The following MAPK8IP1 variants were observed in gnomAD, a reference collection of about 807,000 sequenced individuals.
MAPK8IP1 encodes the protein mitogen-activated protein kinase 8 interacting protein 1.
A neutral mutation model predicts 72.6 loss-of-function variants in MAPK8IP1; 17 were observed. The observed-to-expected ratio is 0.23, with a 90% CI of 0.16 to 0.35. The LOEUF (loss-of-function observed/expected upper bound fraction) is 0.35, where lower values mean the gene tolerates loss of function less well. Among genes scored for constraint, MAPK8IP1 ranks in the 10% least tolerant of loss-of-function variants. MAPK8IP1 has a pLI of 1.00. For synonymous variants in MAPK8IP1, 401 were observed against 443.4 expected (o/e 0.90, Z 1.20); for missense variants, 789 against 1,009.7 (o/e 0.78, Z 2.96).
chr11:45,895,630 AAAAATATATATAT>A (rs2086598367), intron 1 of MAPK8IP1, among the ~76,000 whole-genome samples: 2 of 27,386 alleles, frequency 7.3e-5, no homozygotes, highest in African/African-American at 1.5e-4. Context: ...AAAAAAAAAA[AAAAATATATATAT>A]ATATATATAT....
chr11:45,896,508 C>A, intron 1 of MAPK8IP1: 3 of 1,060,528 alleles, frequency 2.8e-6, no homozygotes, highest in Non-Finnish European at 2.3e-6. Context: ...CCACTCAGCC[C>A]CCGACAGGGG....
chr11:45,886,837 C>T (rs1256941251), intron 1 of MAPK8IP1, among the ~76,000 whole-genome samples: 1 of 152,118 alleles, frequency 6.6e-6, no homozygotes, highest in African/African-American at 2.4e-5. Context: ...CGAGAACTGG[C>T]GCCTTCCCCT....
At position 45,903,520 on chromosome 11, in the gene MAPK8IP1, G is replaced by A. The variant is rs2086675564; in HGVS notation, c.1493+80G>A. The A allele has an allele frequency of 8.1e-7, 1 of 1,238,136 alleles. No individual in the cohort carries two copies. The highest frequency in any genetic ancestry group is 1.2e-6 in the Non-Finnish European group (1 of 869,418). 76.7% of individuals were successfully genotyped at this position (1,238,136 alleles called of 1,614,324 possible). A position where few individuals can be genotyped will look rare whatever the true frequency, so the allele number is the denominator to read the frequency against. ...ACCCTCTACTTGTCACCCCTACATG[G>A]CCTCAGCCTAACCCCTGCCATCAGC... On this transcript the variant is annotated intron_variant, in intron 6 of 11. Transcript: ENST00000241014. This position sits in a 1 kb window ranked among gnomAD's most constrained non-coding sequence, Gnocchi z 6.4.
In MAPK8IP1 at chr11:45,904,953, C is replaced by T; in HGVS notation, c.1894-18C>T. On this transcript the variant is annotated intron_variant, in intron 9 of 11. Coordinates refer to ENST00000241014, the MANE Select transcript of MAPK8IP1 (RefSeq NM_005456.4). The surrounding 1 kb of genome is among the most constrained non-coding windows in gnomAD (Gnocchi z 6.4). ...AGGCCAGGTGACCGCCCTCTTGCTT[C>T]TTTTCTCCCTCCTGTAGGGGAATAA... The T allele has an allele frequency of 6.2e-7, 1 of 1,613,698 alleles. No homozygotes were observed. Among genetic ancestry groups the T allele is most frequent in the Non-Finnish European group, 8.5e-7 (1 of 1,179,618 alleles).
Position 45,903,116 on chromosome 11 carries a change from A to G in MAPK8IP1, c.1349A>G (p.Asp450Gly). 6.2e-7 allele frequency: 1 copy of G among 1,609,782 alleles called. No individual in the cohort carries two copies. The highest frequency in any genetic ancestry group is 8.5e-7 in the Non-Finnish European group (1 of 1,178,682). The change falls in exon 5 of 12, where the codon GAT becomes GGT. Residue 450 changes from aspartate to glycine, a missense_variant. This residue lies in a region of MAPK8IP1 where 377 missense variants were observed against 411.7 expected (regional missense o/e 0.92). Transcript: ENST00000241014. The surrounding 1 kb of genome is among the most constrained non-coding windows in gnomAD (Gnocchi z 6.4). ...TGCCTCTCCGAGGACTCCACGCCTG[A>G]TGAACCCGACGTCCATTTCTCCAAG... is the stretch of plus-strand genomic sequence containing the variant. Reference protein sequence around the residue: ...PACLSEDSTPDEPDVHFSKKF... With the variant: ...PACLSEDSTPGEPDVHFSKKF...
In MAPK8IP1 at chr11:45,902,528, C is replaced by T. The variant is rs777020307; in HGVS notation, c.761C>T (p.Ala254Val). ...QMAPPGGPPA[A>V]PPGGRGHSHR... is the part of the protein sequence containing the mutation. ...GCACCTCCGGGTGGTCCCCCTGCTGCCCCGCCTGGGGGTCGGGGCCACTCG... is the reference window on the plus strand; with the variant it reads ...GCACCTCCGGGTGGTCCCCCTGCTGTCCCGCCTGGGGGTCGGGGCCACTCG... Residue 254 changes from alanine (A) to valine (V), a missense_variant, in exon 5 of 12, where the codon GCC becomes GTC. Transcript: ENST00000241014. The surrounding 1 kb of genome is among the most constrained non-coding windows in gnomAD (Gnocchi z 9.3). 3 of 1,611,522 alleles carry T rather than the reference C, an allele frequency of 1.9e-6. No homozygotes were observed. The South Asian group carries it at 3.3e-5, about 18-fold the overall frequency.
intron 2 of MAPK8IP1, 32 bp downstream of exon 2, chr11:45,898,222 G>C: frequency 6.6e-7 from 1 of 1,514,884 alleles, no homozygotes; most frequent in Non-Finnish European, 9.2e-7. Context: ...CTCCTGAGTG[G>C]GGTGGCAGGA....
chr11:45,902,109 C>G lies in MAPK8IP1; in HGVS notation c.604+48C>G, dbSNP rs111580701. ...ACCTGGACCTCCGCCTGCCCTGACT[C>G]AGTCCCCACTACAGAGAGCAAACCC... is the stretch of plus-strand genomic sequence containing the variant. On this transcript the variant is annotated intron_variant, in intron 4 of 11. Coordinates refer to ENST00000241014, the MANE Select transcript of MAPK8IP1 (RefSeq NM_005456.4). This position sits in a 1 kb window ranked among gnomAD's most constrained non-coding sequence, Gnocchi z 9.3. 1.7e-3 allele frequency: 2,621 copies of G among 1,500,452 alleles called. 18 individuals are homozygous for G. Among genetic ancestry groups the G allele is most frequent in the African/African-American group, 0.014 (1,037 of 72,648 alleles). 92.9% of individuals were successfully genotyped at this position (1,500,452 alleles called of 1,614,324 possible). A position where few individuals can be genotyped will look rare whatever the true frequency, so the allele number is the denominator to read the frequency against.
chr11:45,887,834 G>A (rs1044969667), intron 1 of MAPK8IP1, among the ~76,000 whole-genome samples: 8 of 152,264 alleles, frequency 5.3e-5, no homozygotes, highest in African/African-American at 1.9e-4. Context: ...CTCAGGCCCT[G>A]CCGGCCTGCC....
At chr11:45,887,941 T>C (rs1274721810) in intron 1 of MAPK8IP1, among the ~76,000 whole-genome samples, 1 of 152,230 alleles carries the variant, frequency 6.6e-6, no homozygotes, top group Non-Finnish European at 1.5e-5. Context: ...GATAGTGCTT[T>C]CTTGTGGCTC....
rs2086522923 is a variant in MAPK8IP1, at chr11:45,885,881, C to G, written c.61C>G (p.Pro21Ala). 6.8e-7 allele frequency: 1 copy of G among 1,463,176 alleles called. No homozygotes were observed. Among genetic ancestry groups the G allele is most frequent in the Non-Finnish European group, 9.1e-7 (1 of 1,104,102 alleles). 90.6% of individuals were successfully genotyped at this position (1,463,176 alleles called of 1,614,324 possible). A position where few individuals can be genotyped will look rare whatever the true frequency, so the allele number is the denominator to read the frequency against. Residue 21 changes from proline to alanine, a missense_variant, in exon 1 of 12, where the codon CCG (proline) becomes GCG (alanine). Pro to Ala is a conservative substitution (Grantham distance 27). Transcript: ENST00000241014. ...GGCCGCGTCCCCGCCCGCCGCCTCC[C>G]CGTTCCTGGGGCTGCACATCGCTTC... ...GGAASPPAAS[P>A]FLGLHIASPP...
intron 1 of MAPK8IP1, among the ~76,000 whole-genome samples, chr11:45,887,131 C>T (rs1020006169): frequency 6.6e-6 from 1 of 152,190 alleles, no homozygotes; most frequent in Non-Finnish European, 1.5e-5. Flanking sequence ...CATGAGGCCT[C>T]CATGCAAATA....
chr11:45,890,949 TGGCTGGCC>T (rs896473783), intron 1 of MAPK8IP1, among the ~76,000 whole-genome samples: 5 of 152,004 alleles, frequency 3.3e-5, no homozygotes, highest in Non-Finnish European at 5.9e-5. Context: ...GGCAGGAAGA[TGGCTGGCC>T]GGTGGCCTGT....
rs1008366301 is a variant in MAPK8IP1 at position 45,900,707 on chromosome 11, A to G, written c.522+255A>G. Among the ~76,000 whole-genome samples, 1 of 152,140 alleles carries G rather than the reference A, an allele frequency of 6.6e-6. No individual in the cohort carries two copies. Among genetic ancestry groups the G allele is most frequent in the African/African-American group, 2.4e-5 (1 of 41,428 alleles). ...ATTGAAGGAGGGAAGGACTGGGGTT[A>G]GGAGAGGAGTAGGGAATTAAGAGAA... On this transcript the variant is annotated intron_variant, in intron 3 of 11. Transcript: ENST00000241014. This position sits in a 1 kb window ranked among gnomAD's most constrained non-coding sequence, Gnocchi z 6.5.
chr11:45,902,306 G>C lies in MAPK8IP1; in HGVS notation c.605-66G>C. 2 of 1,339,392 alleles carry C rather than the reference G, an allele frequency of 1.5e-6. No homozygotes were observed. The highest frequency in any genetic ancestry group is 2.5e-5 in the East Asian group (1 of 39,968). The allele number at this position is 1,339,392 out of a possible 1,614,324, so 83.0% of individuals were successfully genotyped here. A position where few individuals can be genotyped will look rare whatever the true frequency, so the allele number is the denominator to read the frequency against. On this transcript the variant is annotated intron_variant, in intron 4 of 11. Coordinates refer to ENST00000241014, the MANE Select transcript of MAPK8IP1 (RefSeq NM_005456.4). This position sits in a 1 kb window ranked among gnomAD's most constrained non-coding sequence, Gnocchi z 9.3. ...TGGTTTCTGTGTCACCAAGCTGAGA[G>C]TGGCAGGTGCAGGTAGCTGGGAGTT...
chr11:45,890,289 C>G (rs556189747), intron 1 of MAPK8IP1, among the ~76,000 whole-genome samples: 1 of 152,322 alleles, frequency 6.6e-6, no homozygotes, highest in South Asian at 2.1e-4. Flanking sequence ...GACAGATCCT[C>G]TAGGACAGGG....
rs1322090709 is a variant in MAPK8IP1, at chr11:45,900,307, C to T, written c.377C>T (p.Pro126Leu). Residue 126 changes from proline (P) to leucine (L), a missense_variant, in exon 3 of 12, where the codon CCG becomes CTG. Transcript: ENST00000241014. The surrounding 1 kb of genome is among the most constrained non-coding windows in gnomAD (Gnocchi z 6.5). ...ERAARRPGAG[P>L]PKAESGQEPA... is the part of the protein sequence containing the mutation. ...GCGGCCCGGCGGCCGGGAGCGGGGC[C>T]GCCCAAGGCCGAGTCCGGCCAGGAG... 15 of 1,353,742 alleles carry T rather than the reference C, an allele frequency of 1.1e-5. No homozygotes were observed. The highest frequency in any genetic ancestry group is 1.4e-5 in the Non-Finnish European group (15 of 1,059,472). The allele number at this position is 1,353,742 out of a possible 1,614,324, so 83.9% of individuals were successfully genotyped here.
At chr11:45,886,137 GC>G (rs1377976460) in intron 1 of MAPK8IP1, among the ~76,000 whole-genome samples, 1 of 152,220 alleles carries the variant, frequency 6.6e-6, no homozygotes, top group Non-Finnish European at 1.5e-5. Context: ...TGTTCCCTCC[GC>G]CATTCCTGGT....
Position 45,900,269 on chromosome 11 carries a change from C to T in MAPK8IP1, c.339C>T (p.Asp113=), listed in dbSNP as rs1215869176. The part of the protein sequence containing the change: ...TPGAEDDEED[D]DEERAARRPG... ...GGGCCGAGGACGACGAGGAGGACGA[C>T]GACGAGGAGCGCGCGGCCCGGCGGC... The change falls in exon 3 of 12, where the codon GAC becomes GAT. Residue 113 remains aspartate (D), a synonymous_variant. Coordinates refer to ENST00000241014, the MANE Select transcript of MAPK8IP1 (RefSeq NM_005456.4). This position sits in a 1 kb window ranked among gnomAD's most constrained non-coding sequence, Gnocchi z 6.5. The T allele has an allele frequency of 1.1e-5, 14 of 1,331,418 alleles. No individual in the cohort carries two copies. Among genetic ancestry groups the T allele is most frequent in the Non-Finnish European group, 1.1e-5 (12 of 1,047,532 alleles). The allele number at this position is 1,331,418 out of a possible 1,614,324, so 82.5% of individuals were successfully genotyped here. A position where few individuals can be genotyped will look rare whatever the true frequency, so the allele number is the denominator to read the frequency against.
Sources: allele counts gnomAD v4.1 joint callset (sites outside exome capture counted in the v4.1 genomes callset), GRCh38; gene constraint gnomAD v4.1.1; regional missense constraint gnomAD v4.1.1; non-coding constraint Gnocchi (gnomAD v3.1); transcripts MANE v1.5; gene names NCBI Gene and HGNC (gene_info 2026-07-23, HGNC 2026-07-21).